SYBU: variants seen among roughly 807,000 people sequenced by gnomAD.
SYBU encodes GOLSYN A protein.
SYBU carries 21 observed loss-of-function variants against 35.9 expected under a neutral mutation model. The observed-to-expected ratio is 0.58, with a 90% CI of 0.41 to 0.84. SYBU has a LOEUF of 0.84. Among genes scored for constraint, SYBU ranks in the 40% least tolerant of loss-of-function variants. The probability of loss-of-function intolerance (pLI) is 0.00; values close to 1 mark genes in which losing one functional copy is unlikely to be tolerated. For synonymous variants in SYBU, 319 were observed against 324.3 expected (o/e 0.98, Z 0.18); for missense variants, 768 against 848.2 (o/e 0.91, Z 1.17).
intron 1 of SYBU, chr8:109,680,137 A>G (rs980120509): frequency 3.3e-5 from 5 of 152,240 alleles, no homozygotes; most frequent in Admixed American, 3.3e-4. Context: ...TATCACATTC[A>G]AATTAATTCA....
At position 109,622,830 on chromosome 8, in the gene SYBU, G is replaced by A. The variant is rs867062796; in HGVS notation, c.230-3791C>T. On this transcript the variant is annotated intron_variant, in intron 2 of 6. Transcript: ENST00000276646. ...ATATGAGAAAACTGTTTCTGGGCAC[G>A]AAATTGCAGAAATACTGAATAATGT... Among the ~76,000 whole-genome samples the A allele has an allele frequency of 1.4e-4, 22 of 152,106 alleles. 1 individual carries two copies. Among genetic ancestry groups the A allele is most frequent in the Non-Finnish European group, 2.5e-4 (17 of 67,986 alleles).
chr8:109,651,341 A>C (rs951844506), intron 1 of SYBU, among the ~76,000 whole-genome samples: 1 of 152,238 alleles, frequency 6.6e-6, no homozygotes, highest in South Asian at 2.1e-4. Flanking sequence ...TCAGGGAAGC[A>C]CTGGAAAGTG....
At chr8:109,595,071 G>A (rs546475452) in intron 3 of SYBU, among the ~76,000 whole-genome samples, 9 of 152,162 alleles carry the variant, frequency 5.9e-5, no homozygotes, top group Non-Finnish European at 1.2e-4. Flanking sequence ...CACTCAGTAA[G>A]CACTTTAAAA....
intron 3 of SYBU, among the ~76,000 whole-genome samples, chr8:109,595,123 T>C (rs1252513018): frequency 6.6e-6 from 1 of 152,168 alleles, no homozygotes; most frequent in African/African-American, 2.4e-5. Flanking sequence ...ATTACCCTCT[T>C]TGAACCATAT....
At chr8:109,608,305 C>T (rs1490438359) in intron 3 of SYBU, among the ~76,000 whole-genome samples, 5 of 152,168 alleles carry the variant, frequency 3.3e-5, no homozygotes, top group Admixed American at 1.3e-4. Context: ...TGGACCAAAA[C>T]GTATAGAATC....
rs1446876224 is a variant in SYBU, at chr8:109,607,841, C to T, written c.427+11001G>A. The T allele has an allele frequency of 5.8e-5, 50 of 856,610 alleles. No individual in the cohort carries two copies. In the East Asian group the frequency reaches 1.3e-3, roughly 22 times the overall value. 53.1% of individuals were successfully genotyped at this position (856,610 alleles called of 1,614,324 possible). A position where few individuals can be genotyped will look rare whatever the true frequency, so the allele number is the denominator to read the frequency against. On this transcript the variant is annotated intron_variant, in intron 3 of 6. Coordinates refer to ENST00000276646, the MANE Select transcript of SYBU (RefSeq NM_001099754.2). ...ACACACACACACACACACACACACA[C>T]ACACACACACACAGTCTAGCCTCTG...
chr8:109,630,912 G>A (rs926172511), intron 2 of SYBU, among the ~76,000 whole-genome samples: 2 of 152,158 alleles, frequency 1.3e-5, no homozygotes, highest in African/African-American at 4.8e-5. Flanking sequence ...AGGCCAACAA[G>A]GTGACTTGAA....
At chr8:109,619,427 A>G (rs372631460) in intron 2 of SYBU, among the ~76,000 whole-genome samples, 39 of 151,894 alleles carry the variant, frequency 2.6e-4, no homozygotes, top group Non-Finnish European at 4.4e-4. Context: ...GGGTTTCACC[A>G]TGTTGGCCAG....
intron 3 of SYBU, chr8:109,607,805 A>AACTCACACAC (rs1826217285): frequency 1.8e-5 from 6 of 332,378 alleles, no homozygotes; most frequent in African/African-American, 4.2e-5. Context: ...TACCACAACT[A>AACTCACACAC]ACTCACACAC....
At chr8:109,587,113 C>T (rs1052357148) in intron 3 of SYBU, among the ~76,000 whole-genome samples, 4 of 152,118 alleles carry the variant, frequency 2.6e-5, no homozygotes, top group African/African-American at 7.2e-5. Flanking sequence ...TCTAGGTATA[C>T]AGTTTAATTT....
At chr8:109,605,792 C>T (rs1385541971) in intron 3 of SYBU, among the ~76,000 whole-genome samples, 6 of 152,160 alleles carry the variant, frequency 3.9e-5, no homozygotes, top group Admixed American at 3.3e-4. Context: ...ATCTCCTCCT[C>T]TCCCATCATT....
intron 3 of SYBU, among the ~76,000 whole-genome samples, chr8:109,602,818 G>GT (rs1825684444): frequency 6.6e-6 from 1 of 152,204 alleles, no homozygotes; most frequent in Non-Finnish European, 1.5e-5. Flanking sequence ...TGTAGGGAGT[G>GT]TGAGAACAAA....
At chr8:109,662,117 A>C (rs6987830) in intron 1 of SYBU, among the ~76,000 whole-genome samples, 18,851 of 152,214 alleles carry the variant, frequency 0.12, 3,283 homozygotes, top group African/African-American at 0.39. Flanking sequence ...GGAAGTGAGA[A>C]AGAGAATAGC....
At chr8:109,653,398 T>C (rs1816230021) in intron 1 of SYBU, among the ~76,000 whole-genome samples, 2 of 152,048 alleles carry the variant, frequency 1.3e-5, no homozygotes. Context: ...CCCCTGCCCT[T>C]TGCCTGCCTA....
At chr8:109,605,828 A>G (rs186580730) in intron 3 of SYBU, among the ~76,000 whole-genome samples, 1 of 152,326 alleles carries the variant, frequency 6.6e-6, no homozygotes, top group Non-Finnish European at 1.5e-5. Context: ...CTAATGAAAA[A>G]TGAAATTGCT....
chr8:109,672,247 C>T (rs1004407306), intron 1 of SYBU, among the ~76,000 whole-genome samples: 7 of 152,148 alleles, frequency 4.6e-5, no homozygotes, highest in East Asian at 1.9e-4. Flanking sequence ...GGCAAGATGA[C>T]GGAATAGGAA....
chr8:109,674,185 A>G (rs1817092565), intron 1 of SYBU, among the ~76,000 whole-genome samples: 1 of 152,052 alleles, frequency 6.6e-6, no homozygotes, highest in East Asian at 1.9e-4. Context: ...AGAGAACACC[A>G]CAAAGATACT....
chr8:109,658,103 G>A (rs1816422306), intron 1 of SYBU, among the ~76,000 whole-genome samples: 1 of 152,126 alleles, frequency 6.6e-6, no homozygotes, highest in Non-Finnish European at 1.5e-5. Flanking sequence ...TAAAGGTACT[G>A]TAGCAAACAC....
chr8:109,672,391 C>T (rs988076641), intron 1 of SYBU, among the ~76,000 whole-genome samples: 2 of 152,184 alleles, frequency 1.3e-5, no homozygotes, highest in Non-Finnish European at 2.9e-5. Flanking sequence ...CAAGCTAAAG[C>T]AAGGTGGAGC....
Sources: allele counts gnomAD v4.1 joint callset (sites outside exome capture counted in the v4.1 genomes callset), GRCh38; gene constraint gnomAD v4.1.1; transcripts MANE v1.5; gene names NCBI Gene and HGNC (gene_info 2026-07-23, HGNC 2026-07-21).